Variants in BEND3 observed in about 807,000 individuals in gnomAD.
BEND3 encodes the protein BEN domain containing 3.
In BEND3, 13 loss-of-function variants were observed where a neutral mutation model predicts 60.1. The observed-to-expected ratio is 0.22, with a 90% CI of 0.14 to 0.34. The LOEUF (loss-of-function observed/expected upper bound fraction) is 0.34. Ranked by LOEUF, BEND3 falls within the 10% of genes least tolerant of loss-of-function variation. The pLI, the probability that BEND3 is intolerant of heterozygous loss-of-function variation, is 1.00. For missense variants in BEND3, 896 were observed against 1,138.1 expected (o/e 0.79, Z 3.06); for synonymous variants, 497 against 491.5 (o/e 1.01, Z -0.15).
intron 3 of BEND3, among the ~76,000 whole-genome samples, chr6:107,096,349 C>T (rs1431699198): frequency 2.6e-5 from 4 of 152,294 alleles, no homozygotes; most frequent in South Asian, 4.1e-4. Context: ...TAGTGACTCA[C>T]GCCTGTAATC....
intron 2 of BEND3, 71 bp downstream of exon 2, chr6:107,099,178 C>T (rs1013397002): frequency 2.4e-6 from 3 of 1,250,018 alleles, no homozygotes; most frequent in Non-Finnish European, 3.5e-6. Context: ...ATTTTTGGAC[C>T]ATGTGAATGT....
chr6:107,082,199 C>T (rs548993926), intron 3 of BEND3, among the ~76,000 whole-genome samples: 1 of 152,290 alleles, frequency 6.6e-6, no homozygotes, highest in African/African-American at 2.4e-5. Flanking sequence ...CAAGCCTGCC[C>T]TCTCTTGCCC....
intron 3 of BEND3, among the ~76,000 whole-genome samples, chr6:107,094,621 CATAA>C (rs144954565): frequency 0.34 from 47,550 of 139,462 alleles, 8,441 homozygotes; most frequent in Middle Eastern, 0.5. Context: ...AACTCCATCT[CATAA>C]ATAAATAAAT....
intron 3 of BEND3, among the ~76,000 whole-genome samples, chr6:107,085,864 G>A (rs1196879253): frequency 3.3e-5 from 5 of 150,372 alleles, no homozygotes; most frequent in African/African-American, 4.9e-5. Flanking sequence ...TCGGCTCACC[G>A]CAAGCTCCGC....
intron 1 of BEND3, among the ~76,000 whole-genome samples, chr6:107,101,716 A>C (rs1162657547): frequency 6.6e-6 from 1 of 152,226 alleles, no homozygotes; most frequent in African/African-American, 2.4e-5. Context: ...CTCACTTTGG[A>C]TCGCCATCAT....
intron 1 of BEND3, among the ~76,000 whole-genome samples, chr6:107,109,128 C>A (rs116133604): frequency 4.6e-5 from 7 of 151,514 alleles, no homozygotes; most frequent in African/African-American, 1.7e-4. Context: ...TTTAAATACA[C>A]GTTTCAACTT....
In BEND3 at chr6:107,074,917, C is replaced by T. The variant is rs549013567; in HGVS notation, c.241-3967G>A. 1.8e-4 allele frequency among the ~76,000 whole-genome samples: 28 copies of T among 151,910 alleles called. 1 individual carries two copies. In the South Asian group the frequency reaches 1.9e-3, roughly 10 times the overall value. On this transcript the variant is annotated intron_variant, in intron 3 of 3. Transcript: ENST00000369042. The stretch of plus-strand genomic sequence containing the variant: ...GAGATTGAGACCATCCTGGCTAACG[C>T]AGTGAAACTCCATCTCTACTAAAAA...
At chr6:107,108,232 C>A (rs782467075) in intron 1 of BEND3, among the ~76,000 whole-genome samples, 5 of 152,188 alleles carry the variant, frequency 3.3e-5, no homozygotes, top group Non-Finnish European at 5.9e-5. Flanking sequence ...ACCCTGCCCG[C>A]GCGCCTGTGA....
chr6:107,073,836 A>T (rs1775042930), intron 3 of BEND3, among the ~76,000 whole-genome samples: 1 of 152,040 alleles, frequency 6.6e-6, no homozygotes, highest in Non-Finnish European at 1.5e-5. Context: ...TCGTAAGCTG[A>T]GATCACACCA....
chr6:107,080,354 C>CAAAAAAAAAAAAAAAAAAAAAACA (rs1775200834), intron 3 of BEND3, among the ~76,000 whole-genome samples: 1 of 83,270 alleles, frequency 1.2e-5, no homozygotes. Context: ...GATCCCATCT[C>CAAAAAAAAAAAAAAAAAAAAAACA]AAAAAAAAAA....
chr6:107,109,889 G>T (rs782116057), intron 1 of BEND3, among the ~76,000 whole-genome samples: 19 of 152,072 alleles, frequency 1.2e-4, no homozygotes, highest in Non-Finnish European at 2.2e-4. Context: ...AAATCAGCCA[G>T]GCATGGTGGC....
intron 1 of BEND3, among the ~76,000 whole-genome samples, chr6:107,100,412 C>T (rs1325943449): frequency 6.6e-6 from 1 of 152,114 alleles, no homozygotes; most frequent in Admixed American, 6.5e-5. Context: ...GGACTACAGG[C>T]ATAAGCCACC....
At chr6:107,095,317 T>C (rs6932188) in intron 3 of BEND3, among the ~76,000 whole-genome samples, 47,955 of 151,894 alleles carry the variant, frequency 0.32, 8,473 homozygotes, top group African/African-American at 0.48. Flanking sequence ...TGAGACCACC[T>C]TCATCTCTGC....
At chr6:107,113,241 G>A (rs1482335626) in intron 1 of BEND3, among the ~76,000 whole-genome samples, 2 of 151,730 alleles carry the variant, frequency 1.3e-5, no homozygotes, top group African/African-American at 4.8e-5. Flanking sequence ...CCGGAAACCA[G>A]CCTGGGCAAC....
In BEND3 at chr6:107,071,038, G is replaced by A. The variant is rs1361240355; in HGVS notation, c.241-88C>T. The A allele has an allele frequency of 7.0e-6, 9 of 1,287,032 alleles. No homozygotes were observed. The African/African-American group carries it at 7.5e-5, about 11-fold the overall frequency. The allele number at this position is 1,287,032 out of a possible 1,614,324, so 79.7% of individuals were successfully genotyped here. ...AGGGTCTGTGTAGCACACAGAGGCC[G>A]AGGTCAACCTTGGGAGCATGTAAGA... On this transcript the variant is annotated intron_variant, in intron 3 of 3. Coordinates refer to ENST00000369042, the MANE Select transcript of BEND3 (RefSeq NM_001367314.1).
rs1554231302 is a variant in BEND3, at chr6:107,069,017, T to C, written c.2174A>G (p.Glu725Gly). 1 of 1,613,614 alleles carries C rather than the reference T, an allele frequency of 6.2e-7. No individual in the cohort carries two copies. The highest frequency in any genetic ancestry group is 1.7e-5 in the Admixed American group (1 of 60,000). ...GCTCTGCTGCACGATCTCACGCACC[T>C]CCTTGTCAGACAGCAGGTAGGGAGA... ...VPSPYLLSDK[E>G]VREIVQQSLS... The change falls in exon 4 of 4, where the codon GAG (glutamate) becomes GGG (glycine). Residue 725 changes from glutamate (E) to glycine (G), a missense_variant. Glu to Gly is a moderately conservative substitution (Grantham distance 98). Around this residue, in one of 4 missense-constraint regions of BEND3, gnomAD observed 846 missense variants for 1,036.7 expected, o/e 0.82. Coordinates refer to ENST00000369042, the MANE Select transcript of BEND3 (RefSeq NM_001367314.1).
At chr6:107,080,394 G>GAAAAAAAAAAAAAAAA (rs58434022) in intron 3 of BEND3, among the ~76,000 whole-genome samples, 1 of 124,266 alleles carries the variant, frequency 8.0e-6, no homozygotes, top group African/African-American at 2.9e-5. Flanking sequence ...ACAGGAAAAA[G>GAAAAAAAAAAAAAAAA]AAAAAAAGAA....
At chr6:107,114,671 C>A (rs1770221545) in intron 1 of BEND3, among the ~76,000 whole-genome samples, 1 of 73,998 alleles carries the variant, frequency 1.4e-5, no homozygotes, top group Non-Finnish European at 4.0e-5. Flanking sequence ...AGCCTTCCGG[C>A]CGCCCCGGCC....
At chr6:107,104,984 C>T (rs1469245199) in intron 1 of BEND3, among the ~76,000 whole-genome samples, 2 of 152,130 alleles carry the variant, frequency 1.3e-5, no homozygotes, top group African/African-American at 4.8e-5. Context: ...GGAATATTTT[C>T]TACCTGCAGT....
Sources: gnomAD v4.1 joint callset for allele counts (sites outside exome capture counted in the v4.1 genomes callset) on GRCh38, gnomAD v4.1.1 for gene constraint, gnomAD v4.1.1 regional missense constraint, MANE v1.5 for transcripts, NCBI Gene and HGNC (gene_info 2026-07-23, HGNC 2026-07-21) for gene names.